The following THRAP3 variants were observed in gnomAD, a reference collection of about 807,000 sequenced individuals.
THRAP3 encodes thyroid hormone receptor-associated protein 3.
In THRAP3, 16 loss-of-function variants were observed where a neutral mutation model predicts 101.0. The ratio of observed to expected loss-of-function variants is 0.16; its 90% CI spans 0.11 to 0.24. The LOEUF (loss-of-function observed/expected upper bound fraction) is 0.24, where lower values mean the gene tolerates loss of function less well. THRAP3 is among the 10% of genes least tolerant of loss of function. The pLI is 1.00. For missense variants in THRAP3, 989 were observed against 1,202.7 expected (o/e 0.82, Z 2.63); for synonymous variants, 407 against 422.6 (o/e 0.96, Z 0.45).
At chr1:36,296,273 C>A (rs1645950301) in intron 8 of THRAP3, among the ~76,000 whole-genome samples, 1 of 152,118 alleles carries the variant, frequency 6.6e-6, no homozygotes, top group Non-Finnish European at 1.5e-5. Context: ...TGCACCTGGC[C>A]AGCCTTCTCA....
rs58306701 is a variant in THRAP3, at chr1:36,253,760, A to AT, written c.-134-5603dup. Among the ~76,000 whole-genome samples the AT allele has an allele frequency of 1.9e-3, 194 of 100,218 alleles. 3 individuals carry two copies. In the East Asian group the frequency reaches 0.034, roughly 17 times the overall value. 65.7% of individuals were successfully genotyped at this position (100,218 alleles called of 152,430 possible). On this transcript the variant is annotated intron_variant, in intron 1 of 11. Transcript: ENST00000354618. ...AGGCGTACACCATTGAGTCAGGCTA[A>AT]TTTTTTTTTTTTTTTTTTTAGTTTT...
At chr1:36,295,998 T>G (rs1045084224) in intron 8 of THRAP3, among the ~76,000 whole-genome samples, 13 of 124,944 alleles carry the variant, frequency 1.0e-4, no homozygotes, top group South Asian at 2.7e-4. Context: ...TTTTGAGAGA[T>G]AGTCTTGTTC....
chr1:36,274,829 C>T (rs1570309123), intron 2 of THRAP3, among the ~76,000 whole-genome samples: 3 of 149,814 alleles, frequency 2.0e-5, no homozygotes, highest in Admixed American at 2.0e-4. Context: ...GACGGGGTTT[C>T]ACCATGTTGG....
In THRAP3 at chr1:36,289,837, G is replaced by T. The variant is rs749719329; in HGVS notation, c.1745+73G>T. On this transcript the variant is annotated intron_variant, in intron 5 of 11. Transcript: ENST00000354618. ...GTGTCGCCTAGCCTTTCTCCCTGGG[G>T]ACATTCTGCTGTATTCCCCCTTCTG... is the stretch of plus-strand genomic sequence containing the variant. The T allele has an allele frequency of 3.1e-5, 47 of 1,508,870 alleles. No individual in the cohort carries two copies. The South Asian group carries it at 5.7e-4, about 18-fold the overall frequency. The allele number at this position is 1,508,870 out of a possible 1,614,324, so 93.5% of individuals were successfully genotyped here.
chr1:36,236,533 T>C (rs1172141294), intron 1 of THRAP3, among the ~76,000 whole-genome samples: 1 of 151,650 alleles, frequency 6.6e-6, no homozygotes, highest in African/African-American at 2.4e-5. Flanking sequence ...TGAGCTTAAC[T>C]GATCCTCCCA....
chr1:36,300,738 G>T, intron 9 of THRAP3, 148 bp from the exon 10 acceptor site: 1 of 686,786 alleles, frequency 1.5e-6, no homozygotes, highest in Non-Finnish European at 2.4e-6. Flanking sequence ...GGGTAGGTTG[G>T]GGGTGAGCTG....
At position 36,300,853 on chromosome 1, in the gene THRAP3, T is replaced by C. The variant is rs202019731; in HGVS notation, c.2304-33T>C. 2.5e-5 allele frequency: 41 copies of C among 1,609,566 alleles called. No individual in the cohort carries two copies. In the Admixed American group the frequency reaches 5.8e-4, roughly 23 times the overall value. Reference sequence around the variant, plus strand: ...AGCCAAGCAGTGTCCCTTAGAAAGATGATTGATCACCCTGGCTCTTCTCTT... The same window carrying C: ...AGCCAAGCAGTGTCCCTTAGAAAGACGATTGATCACCCTGGCTCTTCTCTT... On this transcript the variant is annotated intron_variant, in intron 9 of 11. Coordinates refer to ENST00000354618, the MANE Select transcript of THRAP3 (RefSeq NM_005119.4).
Position 36,289,206 on chromosome 1 carries a change from A to T in THRAP3, c.1187A>T (p.Lys396Ile). 6.2e-7 allele frequency: 1 copy of T among 1,614,234 alleles called. No individual in the cohort carries two copies. Residue 396 changes from lysine (K) to isoleucine (I), a missense_variant, in exon 5 of 12, where the codon AAA becomes ATA. Coordinates refer to ENST00000354618, the MANE Select transcript of THRAP3 (RefSeq NM_005119.4). ...GKMKSDSFAP[K>I]TDSEKPFRGS... ...ATGAAATCTGATTCTTTTGCTCCCA[A>T]AACTGATTCTGAGAAGCCTTTTCGG...
chr1:36,275,759 T>C (rs1293879432), intron 2 of THRAP3, among the ~76,000 whole-genome samples: 21 of 151,270 alleles, frequency 1.4e-4, no homozygotes, highest in Non-Finnish European at 2.8e-4. Flanking sequence ...TGGTGGCTCA[T>C]GCCTGTAATC....
chr1:36,210,291 G>A, the THRAP3 span, among the ~76,000 whole-genome samples: 4 of 151,078 alleles, frequency 2.6e-5, no homozygotes, highest in African/African-American at 9.7e-5. Flanking sequence ...ACTTGAACCC[G>A]GGAGGCGGAG....
At chr1:36,235,612 G>T (rs917742849) in intron 1 of THRAP3, among the ~76,000 whole-genome samples, 1 of 152,010 alleles carries the variant, frequency 6.6e-6, no homozygotes, top group Non-Finnish European at 1.5e-5. Flanking sequence ...AAAATATGAT[G>T]ATTATTGTTG....
At chr1:36,297,718 CAGGCA>C (rs1645971084) in intron 9 of THRAP3, among the ~76,000 whole-genome samples, 1 of 150,110 alleles carries the variant, frequency 6.7e-6, no homozygotes, top group African/African-American at 2.4e-5. Context: ...GCTAGGATTA[CAGGCA>C]TGAGCCACCA....
At chr1:36,222,592 G>A (rs1027466006), upstream of THRAP3, among the ~76,000 whole-genome samples, 1 of 152,014 alleles carries the variant, frequency 6.6e-6, no homozygotes, top group Non-Finnish European at 1.5e-5. Context: ...ATTTTTAGTA[G>A]AGAACGGGTT....
chr1:36,210,063 G>C, the THRAP3 span, among the ~76,000 whole-genome samples: 2 of 152,152 alleles, frequency 1.3e-5, no homozygotes, highest in African/African-American at 4.8e-5. Flanking sequence ...AGTGAATTGA[G>C]AGTGTTTAAA....
chr1:36,283,188 T>A (rs1645755463), intron 3 of THRAP3, among the ~76,000 whole-genome samples: 1 of 152,242 alleles, frequency 6.6e-6, no homozygotes, highest in Non-Finnish European at 1.5e-5. Context: ...ACTAACAAGC[T>A]GCATCTGTTT....
chr1:36,302,778 C>T (rs1192933574), intron 11 of THRAP3, among the ~76,000 whole-genome samples: 1 of 152,170 alleles, frequency 6.6e-6, no homozygotes, highest in Non-Finnish European at 1.5e-5. Context: ...TTGGATCCCT[C>T]CTTCTGTCTC....
At chr1:36,300,349 T>TGAG (rs1469259760) in intron 9 of THRAP3, among the ~76,000 whole-genome samples, 1 of 152,162 alleles carries the variant, frequency 6.6e-6, no homozygotes, top group African/African-American at 2.4e-5. Flanking sequence ...ACCTGTAAAA[T>TGAG]GAGGGAAATA....
chr1:36,273,290 G>A (rs1431901149), intron 2 of THRAP3, among the ~76,000 whole-genome samples: 4 of 152,186 alleles, frequency 2.6e-5, no homozygotes, highest in South Asian at 2.1e-4. Flanking sequence ...GATAAGGAGC[G>A]CAGGCTCACA....
intron 9 of THRAP3, among the ~76,000 whole-genome samples, chr1:36,298,146 CAAAAAAAAAAAA>C (rs10653561): frequency 4.2e-5 from 4 of 96,002 alleles, no homozygotes; most frequent in Non-Finnish European, 7.9e-5. Context: ...GACTTCATCT[CAAAAAAAAAAAA>C]AAAAAAAAAT....
Sources: allele counts gnomAD v4.1 joint callset (sites outside exome capture counted in the v4.1 genomes callset), GRCh38; gene constraint gnomAD v4.1.1; transcripts MANE v1.5; gene names NCBI Gene and HGNC (gene_info 2026-07-23, HGNC 2026-07-21).